PPP4R4: variants seen among roughly 807,000 people sequenced by gnomAD.
PPP4R4 encodes serine/threonine-protein phosphatase 4 regulatory subunit 4.
Under a neutral mutation model 121.8 loss-of-function variants are expected in PPP4R4, and 70 were observed. The ratio of observed to expected loss-of-function variants is 0.57; its 90% confidence interval spans 0.47 to 0.70. The LOEUF is 0.70. Ranked by LOEUF, PPP4R4 falls within the 30% of genes least tolerant of loss-of-function variation. PPP4R4 has a pLI of 0.00. For missense variants in PPP4R4, 875 were observed against 1,033.6 expected, an observed-to-expected ratio of 0.85 and a Z score of 2.10; for synonymous variants, 348 against 355.7, an observed-to-expected ratio of 0.98 and a Z score of 0.24.
intron 2 of PPP4R4, among the ~76,000 whole-genome samples, chr14:94,186,719 A>G (rs1053847246): frequency 6.6e-6 from 1 of 152,194 alleles, no homozygotes; most frequent in African/African-American, 2.4e-5. Context: ...CCAGCAGTAT[A>G]TGAGCGTTTG....
chr14:94,205,843 G>A (rs139358598), intron 2 of PPP4R4, among the ~76,000 whole-genome samples: 455 of 151,996 alleles, frequency 3.0e-3, no homozygotes, highest in Admixed American at 5.5e-3. Context: ...ATTGTGGTTA[G>A]AGAAAATTCT....
At chr14:94,245,480 T>TG (rs913435231) in intron 12 of PPP4R4, 107 bp from the exon 13 acceptor site, 8 of 525,700 alleles carry the variant, frequency 1.5e-5, no homozygotes, top group Admixed American at 1.1e-4. Context: ...AAATGTTATT[T>TG]GGGGGAAAAA....
At chr14:94,259,009 G>A (rs559473247) in intron 18 of PPP4R4, among the ~76,000 whole-genome samples, 185 bp downstream of exon 18, 12 of 152,248 alleles carry the variant, frequency 7.9e-5, no homozygotes, top group Admixed American at 2.6e-4. Flanking sequence ...CATGGATGGC[G>A]GCAGGCAAAG....
intron 2 of PPP4R4, among the ~76,000 whole-genome samples, chr14:94,203,003 A>T (rs921688265): frequency 6.6e-5 from 10 of 151,462 alleles, no homozygotes; most frequent in Non-Finnish European, 1.0e-4. Context: ...AAATCTTTTT[A>T]TTTTGAGAAA....
chr14:94,276,371 A>G (rs6575406), intron 24 of PPP4R4, among the ~76,000 whole-genome samples: 35,938 of 152,174 alleles, frequency 0.24, 5,104 homozygotes, highest in East Asian at 0.59. Context: ...GCATTGCTAT[A>G]AAGAAATACC....
chr14:94,251,622 T>C (rs73344822), intron 15 of PPP4R4, 127 bp from the exon 16 acceptor site: 1 of 650,922 alleles, frequency 1.5e-6, no homozygotes, highest in Non-Finnish European at 2.5e-6. Context: ...TTTCCTCTTA[T>C]GTCTTGTATT....
intron 11 of PPP4R4, among the ~76,000 whole-genome samples, chr14:94,242,864 G>A (rs1391258999): frequency 6.6e-6 from 1 of 152,168 alleles, no homozygotes; most frequent in East Asian, 1.9e-4. Context: ...TGACTATAAA[G>A]TAAGAGCAAA....
chr14:94,207,568 ATAAT>A, intron 2 of PPP4R4, among the ~76,000 whole-genome samples: 1 of 152,138 alleles, frequency 6.6e-6, no homozygotes, highest in East Asian at 1.9e-4. Flanking sequence ...ATAAGTAAAA[ATAAT>A]TCTAATCAAT....
chr14:94,236,440 C>T (rs1892357736), intron 7 of PPP4R4, among the ~76,000 whole-genome samples: 1 of 151,992 alleles, frequency 6.6e-6, no homozygotes, highest in Admixed American at 6.6e-5. Flanking sequence ...TCACATTTTA[C>T]TCTTCTACCT....
At chr14:94,199,139 C>CT (rs2139424389) in intron 2 of PPP4R4, among the ~76,000 whole-genome samples, 1 of 152,302 alleles carries the variant, frequency 6.6e-6, no homozygotes, top group Non-Finnish European at 1.5e-5. Context: ...AGTATTGAGT[C>CT]TTTGATACTT....
chr14:94,265,374 G>A lies in PPP4R4; in HGVS notation c.2198-13G>A. Reference sequence around the variant, plus strand: ...AGAGGAAATTATACAACTTAAAGCAGAATTTATTTTAGGTAGAGACACTAA... The same window carrying A: ...AGAGGAAATTATACAACTTAAAGCAAAATTTATTTTAGGTAGAGACACTAA... On this transcript the variant is annotated splice_polypyrimidine_tract_variant and intron_variant, in intron 20 of 24. Transcript: ENST00000304338. 6.3e-7 allele frequency: 1 copy of A among 1,584,452 alleles called. No individual in the cohort carries two copies. The highest frequency in any genetic ancestry group is 8.7e-7 in the Non-Finnish European group (1 of 1,153,556).
intron 6 of PPP4R4, 61 bp downstream of exon 6, chr14:94,233,820 C>A (rs1229547522): frequency 9.5e-7 from 1 of 1,056,216 alleles, no homozygotes; most frequent in Non-Finnish European, 1.4e-6. Context: ...TGTATAATGA[C>A]TGTGTAACAA....
chr14:94,174,889 TC>T, intron 1 of PPP4R4, among the ~76,000 whole-genome samples: 1 of 141,468 alleles, frequency 7.1e-6, no homozygotes, highest in African/African-American at 2.7e-5. Context: ...GGCGTCCGAA[TC>T]CCCCCGGCCC....
intron 19 of PPP4R4, among the ~76,000 whole-genome samples, chr14:94,260,745 AT>A (rs977549672): frequency 5.9e-5 from 9 of 151,994 alleles, no homozygotes; most frequent in African/African-American, 2.2e-4. Context: ...CATATTATGA[AT>A]TTTTTCTTGG....
rs143421571 is a variant in PPP4R4 at position 94,197,457 on chromosome 14, G to A, written c.192-11007G>A. On this transcript the variant is annotated intron_variant, in intron 2 of 24. Transcript: ENST00000304338. ...GTCCTAGTTGCTCTGTTTTTAATGA[G>A]GGATTCAGGAAATTTTAAAAAATGA... 7.6e-3 allele frequency among the ~76,000 whole-genome samples: 1,149 copies of A among 152,074 alleles called. 14 individuals are homozygous for A. The highest frequency in any genetic ancestry group is 0.026 in the African/African-American group (1,081 of 41,470).
At chr14:94,260,527 T>C (rs1241006356) in intron 19 of PPP4R4, among the ~76,000 whole-genome samples, 3 of 152,158 alleles carry the variant, frequency 2.0e-5, no homozygotes, top group African/African-American at 4.8e-5. Context: ...AGCCATACTA[T>C]TGGGTATGTA....
rs1180323868 is a variant in PPP4R4, at chr14:94,179,341, A to T, written c.191+3214A>T. Among the ~76,000 whole-genome samples, 3 of 152,116 alleles carry T rather than the reference A, an allele frequency of 2.0e-5. No individual in the cohort carries two copies. The East Asian group carries it at 5.8e-4, about 29-fold the overall frequency. ...TACAGTATATGGCCTTTTGTGACTG[A>T]CTTCTTTCACTTAGCATAAGGTGTT... On this transcript the variant is annotated intron_variant, in intron 2 of 24. Transcript: ENST00000304338.
intron 2 of PPP4R4, among the ~76,000 whole-genome samples, chr14:94,194,230 C>A (rs1016735903): frequency 6.6e-6 from 1 of 151,992 alleles, no homozygotes; most frequent in Admixed American, 6.6e-5. Flanking sequence ...TCCTTTTTAG[C>A]CACTAGTGTA....
intron 2 of PPP4R4, among the ~76,000 whole-genome samples, chr14:94,188,118 A>G (rs563922703): frequency 1.3e-5 from 2 of 152,196 alleles, no homozygotes; most frequent in East Asian, 1.9e-4. Context: ...AGTTTCCTCT[A>G]TTCCTAATTT....
Sources: gnomAD v4.1 joint callset for allele counts (sites outside exome capture counted in the v4.1 genomes callset) on GRCh38, gnomAD v4.1.1 for gene constraint, MANE v1.5 for transcripts, NCBI Gene and HGNC (gene_info 2026-07-23, HGNC 2026-07-21) for gene names.